Variants in PPA2 observed in about 807,000 individuals in gnomAD.
PPA2 encodes inorganic pyrophosphatase 2, mitochondrial.
In PPA2, 48 loss-of-function variants were observed where a neutral mutation model predicts 49.5. That is an observed-to-expected ratio of 0.97 (90% CI 0.77 to 1.23). The LOEUF (loss-of-function observed/expected upper bound fraction) is 1.23, where lower values mean the gene tolerates loss of function less well. PPA2 is among the 50% of genes most tolerant of loss of function. PPA2 has a pLI of 0.00. For missense variants in PPA2, 429 were observed against 410.1 expected (o/e 1.05, Z -0.40); for synonymous variants, 131 against 139.9 (o/e 0.94, Z 0.45).
At chr4:105,435,429 C>T (rs931688721) in intron 6 of PPA2, among the ~76,000 whole-genome samples, 3 of 152,022 alleles carry the variant, frequency 2.0e-5, no homozygotes, top group Non-Finnish European at 4.4e-5. Flanking sequence ...ATGAATATCA[C>T]CAAGGCACAC....
chr4:105,433,942 T>C (rs994488158), intron 6 of PPA2, among the ~76,000 whole-genome samples: 2 of 152,226 alleles, frequency 1.3e-5, no homozygotes, highest in African/African-American at 4.8e-5. Flanking sequence ...TTATACAGGC[T>C]GGATCATATT....
intron 7 of PPA2, among the ~76,000 whole-genome samples, chr4:105,417,009 A>G (rs1458272265): frequency 6.6e-6 from 1 of 152,258 alleles, no homozygotes; most frequent in Non-Finnish European, 1.5e-5. Flanking sequence ...CTCAAAATAT[A>G]GACATTCATT....
At chr4:105,454,623 C>T (rs1237985579) in intron 2 of PPA2, among the ~76,000 whole-genome samples, 5 of 152,130 alleles carry the variant, frequency 3.3e-5, no homozygotes, top group African/African-American at 4.8e-5. Context: ...CAAGAGCCAC[C>T]GCACCCAGCC....
intron 1 of PPA2, among the ~76,000 whole-genome samples, chr4:105,462,244 A>T (rs368960167): frequency 1.4e-4 from 21 of 152,308 alleles, no homozygotes; most frequent in African/African-American, 4.8e-4. Context: ...AGCACACATC[A>T]GACAGCCCTT....
At chr4:105,378,061 G>C in intron 10 of PPA2, among the ~76,000 whole-genome samples, 1 of 152,064 alleles carries the variant, frequency 6.6e-6, no homozygotes, top group Middle Eastern at 3.2e-3. Context: ...TATATGAGTG[G>C]AATGACTTGA....
chr4:105,440,374 G>A (rs1000775082), intron 5 of PPA2, among the ~76,000 whole-genome samples: 1 of 151,462 alleles, frequency 6.6e-6, no homozygotes, highest in East Asian at 2.0e-4. Flanking sequence ...CGATTCTCCC[G>A]CCTCAGCCTC....
At chr4:105,381,199 A>G (rs535365954) in intron 10 of PPA2, among the ~76,000 whole-genome samples, 89 of 152,178 alleles carry the variant, frequency 5.8e-4, no homozygotes, top group African/African-American at 2.0e-3. Flanking sequence ...TGAGCCGTCT[A>G]TTCATGTTGT....
At chr4:105,469,032 G>T (rs1439504658) in intron 1 of PPA2, among the ~76,000 whole-genome samples, 6 of 152,112 alleles carry the variant, frequency 3.9e-5, no homozygotes, top group Non-Finnish European at 7.4e-5. Flanking sequence ...ATCTCCATTG[G>T]TTTTTTAATC....
At chr4:105,443,532 C>A (rs573679160) in intron 5 of PPA2, among the ~76,000 whole-genome samples, 96 of 149,414 alleles carry the variant, frequency 6.4e-4, no homozygotes, top group Non-Finnish European at 1.1e-3. Context: ...TTAAAAACAT[C>A]ATTCAATTTA....
At chr4:105,456,807 C>A in intron 1 of PPA2, 62 bp from the exon 2 acceptor site, 1 of 1,293,236 alleles carries the variant, frequency 7.7e-7, no homozygotes, top group South Asian at 1.4e-5. Flanking sequence ...TTGTTCTATA[C>A]AGCAATAATA....
rs565420575 is a variant in PPA2 at position 105,453,472 on chromosome 4, CG to C, written c.267+125del. The C allele has an allele frequency of 1.1e-4, 69 of 615,364 alleles. 1 individual carries two copies. In the African/African-American group the frequency reaches 1.2e-3, roughly 11 times the overall value. The allele number at this position is 615,364 out of a possible 1,614,324, so 38.1% of individuals were successfully genotyped here. On this transcript the variant is annotated intron_variant, in intron 3 of 11. Transcript: ENST00000341695. ...CCCTAGCTGCCTTAAAGAAAAACAT[CG>C]GAATGCACATGAAAGTCTTGCAGGG...
At chr4:105,473,710 G>A (rs1188074929) in intron 1 of PPA2, 184 bp downstream of exon 1, 6 of 943,122 alleles carry the variant, frequency 6.4e-6, no homozygotes, top group Non-Finnish European at 1.0e-5. Flanking sequence ...CCTCCTCGCT[G>A]GCAGTTCTCG....
chr4:105,443,498 G>A (rs1303944785), intron 5 of PPA2, among the ~76,000 whole-genome samples: 2 of 144,830 alleles, frequency 1.4e-5, no homozygotes, highest in Non-Finnish European at 3.0e-5. Context: ...TATCCCATAA[G>A]CAATTGGCAT....
intron 1 of PPA2, among the ~76,000 whole-genome samples, chr4:105,468,778 G>A (rs939425856): frequency 6.6e-6 from 1 of 152,078 alleles, no homozygotes; most frequent in Non-Finnish European, 1.5e-5. Context: ...TTTTACAGTT[G>A]GAACTAACAC....
chr4:105,451,046 G>T (rs544597192), intron 3 of PPA2, among the ~76,000 whole-genome samples: 2 of 151,976 alleles, frequency 1.3e-5, no homozygotes, highest in Non-Finnish European at 2.9e-5. Flanking sequence ...TTTCGATCAT[G>T]CCACACATCA....
At position 105,449,388 on chromosome 4, in the gene PPA2, T is replaced by C; in HGVS notation, c.283A>G (p.Ile95Val). ...NDEYENLFNM[I>V]VEIPRWTNAK... is the part of the protein sequence containing the mutation. ...TTTGTCCACCGAGGTATTTCTACAA[T>C]CATATTAAACAGATTCTGCAGTTAA... Residue 95 changes from isoleucine (I) to valine (V), a missense_variant, in exon 4 of 12, where the codon ATT becomes GTT. Coordinates refer to ENST00000341695, the MANE Select transcript of PPA2 (RefSeq NM_176869.3). The C allele has an allele frequency of 6.3e-7, 1 of 1,579,110 alleles. No individual in the cohort carries two copies. Among genetic ancestry groups the C allele is most frequent in the Admixed American group, 1.8e-5 (1 of 56,406 alleles).
intron 8 of PPA2, 49 bp from the exon 9 acceptor site, chr4:105,396,383 A>G: frequency 7.9e-7 from 1 of 1,272,562 alleles, no homozygotes; most frequent in Non-Finnish European, 1.1e-6. Context: ...TATCAGTCAC[A>G]TTGTTACACT....
chr4:105,467,489 T>C (rs75055328), intron 1 of PPA2, among the ~76,000 whole-genome samples: 26,958 of 152,218 alleles, frequency 0.18, 2,564 homozygotes, highest in Non-Finnish European at 0.21. Context: ...ATGGTACATA[T>C]TTCAAAAAAT....
chr4:105,436,212 C>T (rs776254053), intron 6 of PPA2, among the ~76,000 whole-genome samples: 1 of 151,874 alleles, frequency 6.6e-6, no homozygotes, highest in Non-Finnish European at 1.5e-5. Flanking sequence ...AACAGCCACA[C>T]ACACACACGC....
Sources: allele counts gnomAD v4.1 joint callset (sites outside exome capture counted in the v4.1 genomes callset), GRCh38; gene constraint gnomAD v4.1.1; transcripts MANE v1.5; gene names NCBI Gene and HGNC (gene_info 2026-07-23, HGNC 2026-07-21).